PLA2G12B: variants seen among roughly 807,000 people sequenced by gnomAD.
PLA2G12B encodes phospholipase A2 group XIIB.
In PLA2G12B, 19 loss-of-function variants were observed where a neutral mutation model predicts 22.3. The ratio of observed to expected loss-of-function variants is 0.85; its 90% CI spans 0.60 to 1.25. The LOEUF (loss-of-function observed/expected upper bound fraction) is 1.25, where lower values mean the gene tolerates loss of function less well. PLA2G12B is among the 50% of genes most tolerant of loss of function. The pLI is 0.00. For synonymous variants in PLA2G12B, 81 were observed against 94.9 expected (o/e 0.85, Z 0.85); for missense variants, 191 against 246.6 (o/e 0.77, Z 1.51).
chr10:72,951,582 C>T (rs934695923), intron 1 of PLA2G12B, among the ~76,000 whole-genome samples: 11 of 150,856 alleles, frequency 7.3e-5, no homozygotes, highest in African/African-American at 2.0e-4. Context: ...CTCAGCCTCC[C>T]GAGTAGCTGG....
At chr10:72,948,434 G>A (rs1441564421) in intron 1 of PLA2G12B, among the ~76,000 whole-genome samples, 3 of 152,156 alleles carry the variant, frequency 2.0e-5, no homozygotes, top group Non-Finnish European at 4.4e-5. Flanking sequence ...TAAGTTCTAA[G>A]ACAAAAGGTA....
chr10:72,941,411 C>A, intron 2 of PLA2G12B, 77 bp from the exon 3 acceptor site: 1 of 1,428,816 alleles, frequency 7.0e-7, no homozygotes, highest in South Asian at 1.3e-5. Context: ...CAACCTTGCC[C>A]ACCTTGTTAT....
chr10:72,936,515 T>C (rs961958771), intron 3 of PLA2G12B, among the ~76,000 whole-genome samples: 4 of 152,320 alleles, frequency 2.6e-5, no homozygotes, highest in African/African-American at 9.6e-5. Context: ...AGGCCACATA[T>C]TGTATGATTC....
In PLA2G12B at chr10:72,940,268, T is replaced by C. The variant is rs114301020; in HGVS notation, c.466+901A>G. On this transcript the variant is annotated intron_variant, in intron 3 of 3. Transcript: ENST00000373032. ...CTTTATCAGCCTACATTTCAACTCT[T>C]ACCATCTAAAAATAGAAAATGCTAA... Among the ~76,000 whole-genome samples, 577 of 152,204 alleles carry C rather than the reference T, an allele frequency of 3.8e-3. 6 individuals are homozygous for C. Among genetic ancestry groups the C allele is most frequent in the African/African-American group, 0.013 (536 of 41,506 alleles).
At chr10:72,938,086 C>T (rs1404436782) in intron 3 of PLA2G12B, among the ~76,000 whole-genome samples, 1 of 150,016 alleles carries the variant, frequency 6.7e-6, no homozygotes, top group Non-Finnish European at 1.5e-5. Flanking sequence ...TTCACTCCAG[C>T]CTGGGTGTAA....
At chr10:72,937,004 T>C (rs1278111847) in intron 3 of PLA2G12B, among the ~76,000 whole-genome samples, 1 of 152,072 alleles carries the variant, frequency 6.6e-6, no homozygotes, top group Non-Finnish European at 1.5e-5. Flanking sequence ...ACCTCCTGGC[T>C]AACAAGACCA....
Position 72,954,546 on chromosome 10 carries a change from T to C in PLA2G12B, c.140A>G (p.Asn47Ser), listed in dbSNP as rs1564606515. The change falls in exon 1 of 4, where the codon AAT becomes AGT. Residue 47 changes from asparagine (N) to serine (S), a missense_variant. Coordinates refer to ENST00000373032, the MANE Select transcript of PLA2G12B (RefSeq NM_032562.5). ...RHLRGSFESVNSYFDSFLELL... is the reference protein window; with the variant it reads ...RHLRGSFESVSSYFDSFLELL... ...CTCCAGAAAAGAATCGAAGTAGCTA[T>C]TGACGGATTCAAAGCTTCCCCGGAG... 3 of 1,614,232 alleles carry C rather than the reference T, an allele frequency of 1.9e-6. No individual in the cohort carries two copies. Among genetic ancestry groups the C allele is most frequent in the South Asian group, 1.1e-5 (1 of 91,086 alleles).
At chr10:72,943,391 A>C (rs1243831536) in intron 1 of PLA2G12B, among the ~76,000 whole-genome samples, 1 of 152,200 alleles carries the variant, frequency 6.6e-6, no homozygotes, top group Non-Finnish European at 1.5e-5. Flanking sequence ...CACCACTCAA[A>C]GAACAAGCAG....
intron 3 of PLA2G12B, 87 bp from the exon 4 acceptor site, chr10:72,935,825 G>T: frequency 6.9e-7 from 1 of 1,449,710 alleles, no homozygotes; most frequent in Non-Finnish European, 9.4e-7. Context: ...CCAGAGGAAA[G>T]TAGAGACAGT....
intron 1 of PLA2G12B, among the ~76,000 whole-genome samples, chr10:72,945,561 G>GT (rs1406037499): frequency 6.6e-6 from 1 of 152,106 alleles, no homozygotes; most frequent in Non-Finnish European, 1.5e-5. Flanking sequence ...CCCTCAGCAA[G>GT]TGTGTGATAT....
At chr10:72,952,323 T>C (rs113317228) in intron 1 of PLA2G12B, among the ~76,000 whole-genome samples, 3,482 of 152,312 alleles carry the variant, frequency 0.023, 138 homozygotes, top group African/African-American at 0.08. Context: ...TGAGACTCCC[T>C]GCTCTACAAA....
At chr10:72,937,128 G>A (rs914494010) in intron 3 of PLA2G12B, among the ~76,000 whole-genome samples, 8 of 152,052 alleles carry the variant, frequency 5.3e-5, no homozygotes, top group Middle Eastern at 3.2e-3. Flanking sequence ...GGAGAATGGC[G>A]TGAACCCGGA....
rs977888036 is a variant in PLA2G12B at position 72,935,260 on chromosome 10, C to T, written c.*357G>A. 1 of 178,324 alleles carries T rather than the reference C, an allele frequency of 5.6e-6. No homozygotes were observed. The highest frequency in any genetic ancestry group is 2.4e-5 in the African/African-American group (1 of 42,404). The allele number at this position is 178,324 out of a possible 1,614,324, so 11.0% of individuals were successfully genotyped here. A position where few individuals can be genotyped will look rare whatever the true frequency, so the allele number is the denominator to read the frequency against. On this transcript the variant is annotated 3_prime_UTR_variant, in exon 4 of 4. Transcript: ENST00000373032. ...ATGGGCCAGCAGAAAGTCATTGCCT[C>T]CCAAATGGCTGGACTCCCCACAATT...
At position 72,935,628 on chromosome 10, in the gene PLA2G12B, CCTT is replaced by C; in HGVS notation, c.574_576del (p.Lys192del). On this transcript the variant is annotated inframe_deletion, in exon 4 of 4. Coordinates refer to ENST00000373032, the MANE Select transcript of PLA2G12B (RefSeq NM_032562.5). ...GAATCACTTCTTCCTCATAACTCTT[CCTT>C]CTCCTCCTCTGCACAGATGCAAGCT... is the stretch of plus-strand genomic sequence containing the variant. 1.2e-6 allele frequency: 2 copies of C among 1,614,112 alleles called. No homozygotes were observed. Among genetic ancestry groups the C allele is most frequent in the Non-Finnish European group, 1.7e-6 (2 of 1,179,974 alleles).
intron 3 of PLA2G12B, among the ~76,000 whole-genome samples, chr10:72,940,807 T>C (rs769343452): frequency 2.4e-4 from 36 of 151,402 alleles, no homozygotes; most frequent in Admixed American, 1.1e-3. Context: ...CCAAACCAAG[T>C]GGTCCTATAA....
rs34740594 is a variant in PLA2G12B at position 72,942,149 on chromosome 10, GGTGTGTGTGT to G, written c.300+493_300+502del. Among the ~76,000 whole-genome samples, 489 of 136,032 alleles carry G rather than the reference GGTGTGTGTGT, an allele frequency of 3.6e-3. 2 individuals are homozygous for G. The highest frequency in any genetic ancestry group is 0.012 in the African/African-American group (468 of 38,120). The allele number at this position is 136,032 out of a possible 152,430, so 89.2% of individuals were successfully genotyped here. A position where few individuals can be genotyped will look rare whatever the true frequency, so the allele number is the denominator to read the frequency against. Reference sequence around the variant, plus strand: ...AAATACAAAAATTAGCAGGGCGTCGGGTGTGTGTGTGTGTGTGTGTGTGTGTGTGTGTGTG... The same window carrying G: ...AAATACAAAAATTAGCAGGGCGTCGGGTGTGTGTGTGTGTGTGTGTGTGTG... On this transcript the variant is annotated intron_variant, in intron 2 of 3. Transcript: ENST00000373032.
At chr10:72,946,698 C>T (rs1222355237) in intron 1 of PLA2G12B, among the ~76,000 whole-genome samples, 1 of 152,150 alleles carries the variant, frequency 6.6e-6, no homozygotes, top group East Asian at 1.9e-4. Flanking sequence ...TTATGTTGAG[C>T]ATCTTTTTAT....
chr10:72,948,565 A>G (rs1589545261), intron 1 of PLA2G12B, among the ~76,000 whole-genome samples: 1 of 147,854 alleles, frequency 6.8e-6, no homozygotes, highest in African/African-American at 2.6e-5. Context: ...ATATCCACAC[A>G]TGTTTTATTT....
intron 3 of PLA2G12B, 141 bp downstream of exon 3, chr10:72,941,028 T>G (rs1846351751): frequency 1.0e-6 from 1 of 954,874 alleles, no homozygotes; most frequent in South Asian, 2.3e-5. Flanking sequence ...CCTTCACCAT[T>G]TCTTGCTCAG....
Sources: allele counts gnomAD v4.1 joint callset (sites outside exome capture counted in the v4.1 genomes callset), GRCh38; gene constraint gnomAD v4.1.1; transcripts MANE v1.5; gene names NCBI Gene and HGNC (gene_info 2026-07-23, HGNC 2026-07-21).